FZD6: variants seen among roughly 807,000 people sequenced by gnomAD.
FZD6 encodes the protein frizzled class receptor 6.
FZD6 carries 49 observed loss-of-function variants against 61.4 expected under a neutral mutation model. The ratio of observed to expected loss-of-function variants is 0.80; its 90% CI spans 0.63 to 1.01. The LOEUF (loss-of-function observed/expected upper bound fraction) is 1.01, where lower values mean the gene tolerates loss of function less well. Among genes scored for constraint, FZD6 ranks in the 50% least tolerant of loss-of-function variants. FZD6 has a pLI of 0.00. For synonymous variants in FZD6, 265 were observed against 292.2 expected (o/e 0.91, Z 0.95); for missense variants, 724 against 848.2 (o/e 0.85, Z 1.82).
At position 103,329,651 on chromosome 8, in the gene FZD6, A is replaced by G. The variant is rs1336600447; in HGVS notation, c.1542-4A>G. ...GTAAATCCTCTCCTTCAATTTTCTTATAGTCCAATCAGTGAAAGTCGAAGA... is the reference window on the plus strand; with the variant it reads ...GTAAATCCTCTCCTTCAATTTTCTTGTAGTCCAATCAGTGAAAGTCGAAGA... On this transcript the variant is annotated splice_polypyrimidine_tract_variant and splice_region_variant and intron_variant, in intron 5 of 6. Transcript: ENST00000358755. 5 of 1,594,494 alleles carry G rather than the reference A, an allele frequency of 3.1e-6. No individual in the cohort carries two copies. Among genetic ancestry groups the G allele is most frequent in the Admixed American group, 3.3e-5 (2 of 59,902 alleles).
chr8:103,308,056 C>T (rs1310666136), intron 2 of FZD6, among the ~76,000 whole-genome samples: 1 of 152,214 alleles, frequency 6.6e-6, no homozygotes, highest in East Asian at 1.9e-4. Context: ...AAATGAACTA[C>T]TCAGCAGTAG....
At chr8:103,307,818 AG>A (rs1262699709) in intron 2 of FZD6, 1 of 455,948 alleles carries the variant, frequency 2.2e-6, no homozygotes, top group Non-Finnish European at 4.4e-6. Flanking sequence ...TAGAATCGCC[AG>A]GTGGGCTAGA....
At chr8:103,316,927 G>A (rs372058794) in intron 2 of FZD6, among the ~76,000 whole-genome samples, 11 of 152,330 alleles carry the variant, frequency 7.2e-5, no homozygotes, top group African/African-American at 2.6e-4. Context: ...ATAGAGCAGT[G>A]AACAGAATAG....
chr8:103,299,468 T>C (rs1471895974), intron 1 of FZD6, among the ~76,000 whole-genome samples: 1 of 152,172 alleles, frequency 6.6e-6, no homozygotes, highest in Non-Finnish European at 1.5e-5. Flanking sequence ...AGTCTCCCTC[T>C]AGTTGGCCTT....
chr8:103,307,719 G>GTT (rs11312808), intron 2 of FZD6: 166 of 421,504 alleles, frequency 3.9e-4, no homozygotes, highest in East Asian at 3.1e-3. Context: ...TCTAAGGTGT[G>GTT]TTTTTTTTTT....
Position 103,329,728 on chromosome 8 carries a change from C to G in FZD6, c.1615C>G (p.His539Asp). 6.2e-7 allele frequency: 1 copy of G among 1,612,010 alleles called. No homozygotes were observed. The change falls in exon 6 of 7, where the codon CAC (histidine) becomes GAC (aspartate). Residue 539 changes from histidine to aspartate, a missense_variant. Physicochemically the swap from His to Asp is moderately conservative, Grantham distance 81 (BLOSUM62 -1). Coordinates refer to ENST00000358755, the MANE Select transcript of FZD6 (RefSeq NM_003506.4). ...FFLKHNSKVK[H>D]KKKHYKPSSH... is the part of the protein sequence containing the mutation. The stretch of plus-strand genomic sequence containing the variant: ...CTTAAAGCACAATTCTAAAGTTAAA[C>G]ACAAAAAGAAGCACTATAAACCAAG...
chr8:103,301,657 T>C (rs747347435), intron 2 of FZD6, among the ~76,000 whole-genome samples: 8 of 152,138 alleles, frequency 5.3e-5, no homozygotes, highest in Non-Finnish European at 8.8e-5. Flanking sequence ...CCGTCCTGCC[T>C]CAGCATCCCA....
intron 2 of FZD6, among the ~76,000 whole-genome samples, chr8:103,305,180 C>T (rs1354636133): frequency 6.6e-6 from 1 of 152,178 alleles, no homozygotes; most frequent in Admixed American, 6.5e-5. Context: ...TGAGACTGAT[C>T]TAGGGAAAAT....
chr8:103,325,463 CATT>C lies in FZD6; in HGVS notation c.1358_1360del (p.His453_Cys454delinsArg). 1 of 1,613,358 alleles carries C rather than the reference CATT, an allele frequency of 6.2e-7. No individual in the cohort carries two copies. Among genetic ancestry groups the C allele is most frequent in the Non-Finnish European group, 8.5e-7 (1 of 1,179,316 alleles). On this transcript the variant is annotated inframe_deletion, in exon 4 of 7. Transcript: ENST00000358755. The stretch of plus-strand genomic sequence containing the variant: ...CTGGGAGATAACTTGGGTCTCTGAT[CATT>C]GTCGTCAGTACCATATCCCATGTCC...
intron 3 of FZD6, among the ~76,000 whole-genome samples, chr8:103,322,630 T>C (rs1180323905): frequency 6.6e-6 from 1 of 152,224 alleles, no homozygotes; most frequent in African/African-American, 2.4e-5. Context: ...AGGCTGCTAA[T>C]TTATTCTACT....
chr8:103,313,768 G>C (rs1360185457), intron 2 of FZD6, among the ~76,000 whole-genome samples: 1 of 118,400 alleles, frequency 8.4e-6, no homozygotes, highest in Non-Finnish European at 1.7e-5. Context: ...TTCTGTGTGT[G>C]TGTGTGTGTG....
chr8:103,310,795 A>G (rs150910246), intron 2 of FZD6, among the ~76,000 whole-genome samples: 196 of 152,312 alleles, frequency 1.3e-3, no homozygotes, highest in African/African-American at 3.9e-3. Flanking sequence ...AGCTAAAACC[A>G]AGCTAAGTGG....
rs1814911611 is a variant in FZD6 at position 103,325,148 on chromosome 8, G to T, written c.1042G>T (p.Val348Phe). Residue 348 changes from valine (V) to phenylalanine (F), a missense_variant, in exon 4 of 7, where the codon GTT becomes TTT. Transcript: ENST00000358755. The stretch of plus-strand genomic sequence containing the variant: ...TGTTATGCTTCTTGCTATGAACAAA[G>T]TTGAAGGAGACAACATTAGTGGAGT... ...LTVMLLAMNK[V>F]EGDNISGVCF... 6.2e-7 allele frequency: 1 copy of T among 1,614,092 alleles called. No homozygotes were observed. The highest frequency in any genetic ancestry group is 8.5e-7 in the Non-Finnish European group (1 of 1,179,920).
chr8:103,325,661 C>T (rs1814932532), intron 4 of FZD6, among the ~76,000 whole-genome samples, 163 bp downstream of exon 4: 1 of 152,158 alleles, frequency 6.6e-6, no homozygotes, highest in Non-Finnish European at 1.5e-5. Flanking sequence ...ATGAATGTTT[C>T]ATGACTTCCT....
rs58157848 is a variant in FZD6 at position 103,313,760 on chromosome 8, C to CTGTGTGTGTGTG, written c.178-4798_178-4787dup. 6.4e-3 allele frequency among the ~76,000 whole-genome samples: 918 copies of CTGTGTGTGTGTG among 142,818 alleles called. 4 individuals carry two copies. The highest frequency in any genetic ancestry group is 0.022 in the East Asian group (106 of 4,826). 93.7% of individuals were successfully genotyped at this position (142,818 alleles called of 152,430 possible). On this transcript the variant is annotated intron_variant, in intron 2 of 6. Coordinates refer to ENST00000358755, the MANE Select transcript of FZD6 (RefSeq NM_003506.4). ...GGATCTGACCTGAGACTTGATTTTT[C>CTGTGTGTGTGTG]TGTGTGTGTGTGTGTGTGTGTGTGT... is the stretch of plus-strand genomic sequence containing the variant.
chr8:103,327,945 G>A (rs1306385003), intron 4 of FZD6, among the ~76,000 whole-genome samples: 1 of 152,054 alleles, frequency 6.6e-6, no homozygotes, highest in East Asian at 1.9e-4. Context: ...TACATATTTA[G>A]AGGCAAATAT....
chr8:103,327,486 CT>C (rs1345769225), intron 4 of FZD6, among the ~76,000 whole-genome samples: 1 of 152,114 alleles, frequency 6.6e-6, no homozygotes, highest in East Asian at 1.9e-4. Context: ...GTCCCAGCTA[CT>C]TGGGAGGCTG....
At chr8:103,304,828 A>G (rs1814284641) in intron 2 of FZD6, among the ~76,000 whole-genome samples, 1 of 152,234 alleles carries the variant, frequency 6.6e-6, no homozygotes, top group African/African-American at 2.4e-5. Context: ...GTTATTTGTT[A>G]CTTACTTTCC....
intron 5 of FZD6, among the ~76,000 whole-genome samples, chr8:103,329,190 ATCTC>A (rs1199831789): frequency 2.7e-5 from 4 of 150,816 alleles, no homozygotes; most frequent in Non-Finnish European, 4.4e-5. Flanking sequence ...TTATATGTCT[ATCTC>A]ATATTTATAT....
Sources: allele counts gnomAD v4.1 joint callset (sites outside exome capture counted in the v4.1 genomes callset), GRCh38; gene constraint gnomAD v4.1.1; transcripts MANE v1.5; gene names NCBI Gene and HGNC (gene_info 2026-07-23, HGNC 2026-07-21).